Variants in MCF2L observed in about 807,000 individuals in gnomAD.
The protein encoded by MCF2L is MCF.2 cell line derived transforming sequence like, also known as guanine nucleotide exchange factor DBS.
MCF2L carries 97 observed loss-of-function variants against 153.4 expected under a neutral mutation model. The ratio of observed to expected loss-of-function variants is 0.63; its 90% confidence interval spans 0.54 to 0.75. The LOEUF is 0.75. Among genes scored for constraint, MCF2L ranks in the 30% least tolerant of loss-of-function variants. The pLI is 0.00. For missense variants in MCF2L, 1,347 were observed against 1,495.2 expected (o/e 0.90, Z 1.64); for synonymous variants, 659 against 632.2 (o/e 1.04, Z -0.64).
intron 2 of MCF2L, 106 bp from the exon 3 acceptor site, chr13:113,024,538 C>G: frequency 1.5e-6 from 1 of 673,516 alleles, no homozygotes; most frequent in Admixed American, 2.3e-5. Flanking sequence ...GAACATGCCT[C>G]AGTTTTAACT....
intron 2 of MCF2L, chr13:112,917,365 C>T (rs374561224): frequency 5.9e-4 from 208 of 352,228 alleles, no homozygotes; most frequent in African/African-American, 2.5e-3. Flanking sequence ...CACTCATGCC[C>T]GTATCCGACC....
chr13:113,086,092 C>G lies in MCF2L; in HGVS notation c.2248-32C>G, dbSNP rs1332905533. The G allele has an allele frequency of 6.9e-6, 11 of 1,587,300 alleles. No homozygotes were observed. In the South Asian group the frequency reaches 1.3e-4, roughly 18 times the overall value. On this transcript the variant is annotated intron_variant, in intron 20 of 29. Transcript: ENST00000535094. ...CAGGGGAGCCAGGGCTCTCCGTGTC[C>G]CGACGCGGTTGCCTCACCCCATGCC...
At chr13:112,920,848 C>T (rs1244487100) in intron 2 of MCF2L, among the ~76,000 whole-genome samples, 1 of 152,106 alleles carries the variant, frequency 6.6e-6, no homozygotes, top group Non-Finnish European at 1.5e-5. Context: ...CAGCCACTCA[C>T]TCTGCACAAG....
intron 2 of MCF2L, among the ~76,000 whole-genome samples, chr13:112,925,703 C>A (rs12428664): frequency 0.18 from 26,850 of 151,888 alleles, 2,645 homozygotes; most frequent in African/African-American, 0.25. Flanking sequence ...TAGAAATGTT[C>A]TTTAGCTGAC....
At chr13:112,985,141 C>T (rs567307222) in intron 1 of MCF2L, 32 of 286,868 alleles carry the variant, frequency 1.1e-4, no homozygotes, top group African/African-American at 4.4e-4. Context: ...TCCTCTCGGG[C>T]GGGCACGGTG....
chr13:112,986,227 G>A (rs1414445586), intron 1 of MCF2L, among the ~76,000 whole-genome samples: 5 of 151,808 alleles, frequency 3.3e-5, no homozygotes, highest in East Asian at 3.8e-4. Context: ...ATGGGGCCGC[G>A]GCCGGATGCC....
chr13:113,031,191 G>A lies in MCF2L; in HGVS notation c.278+6433G>A, dbSNP rs1027352225. On this transcript the variant is annotated intron_variant, in intron 3 of 29. Coordinates refer to ENST00000535094, the MANE Select transcript of MCF2L (RefSeq NM_001112732.3). The surrounding 1 kb of genome is among the most constrained non-coding windows in gnomAD (Gnocchi z 5.5). ...ACAGAGAGTGACAGACAGAGACAGA[G>A]AGACAGAGACAGACAGAGACAGAGA... 4.0e-5 allele frequency among the ~76,000 whole-genome samples: 6 copies of A among 150,490 alleles called. No homozygotes were observed. The highest frequency in any genetic ancestry group is 8.9e-5 in the Non-Finnish European group (6 of 67,650).
intron 1 of MCF2L, chr13:113,009,477 T>C (rs1389691345): frequency 6.6e-6 from 1 of 152,238 alleles, no homozygotes; most frequent in East Asian, 1.9e-4. Flanking sequence ...ACATCGGGAA[T>C]GCAAAATCAA....
chr13:113,080,250 C>G (rs2033987531), intron 15 of MCF2L, among the ~76,000 whole-genome samples: 2 of 147,316 alleles, frequency 1.4e-5, no homozygotes, highest in Admixed American at 1.3e-4. Context: ...AGGGTCCAGG[C>G]AGAGGAGTGT....
intron 4 of MCF2L, among the ~76,000 whole-genome samples, chr13:113,057,402 G>A (rs2030230007): frequency 6.7e-6 from 1 of 149,668 alleles, no homozygotes; most frequent in Non-Finnish European, 1.5e-5. Context: ...GGTGCTGAGT[G>A]TTTAGGTGCT....
intron 1 of MCF2L, among the ~76,000 whole-genome samples, chr13:112,987,595 T>C (rs2140949204): frequency 6.6e-6 from 1 of 152,198 alleles, no homozygotes; most frequent in East Asian, 1.9e-4. Flanking sequence ...CGGCCTGCGC[T>C]GCATGCAACG....
upstream of MCF2L, chr13:112,968,753 C>T (rs2081943732): frequency 7.2e-7 from 1 of 1,379,466 alleles, no homozygotes; most frequent in South Asian, 1.6e-5. Flanking sequence ...CCCGCGGAGG[C>T]AGCTGCACTC....
In MCF2L at chr13:112,899,144, G is replaced by A. The variant is rs111587337; in HGVS notation, c.-4-3055G>A. ...GACCGAGCAAACGAGTCACAAAGCC[G>A]TGCTGACTTGGTGCTTCCGTGGGGC... On this transcript the variant is annotated intron_variant, in intron 1 of 29. Transcript: ENST00000375608. Among the ~76,000 whole-genome samples the A allele has an allele frequency of 9.2e-3, 1,397 of 152,366 alleles. 8 individuals are homozygous for A. Among genetic ancestry groups the A allele is most frequent in the Middle Eastern group, 0.027 (8 of 294 alleles).
At position 112,969,459 on chromosome 13, in the gene MCF2L, G is replaced by A. The variant is rs760992655; in HGVS notation, c.79+1G>A. On this transcript the variant is annotated splice_donor_variant, in intron 1 of 29. Coordinates refer to ENST00000535094, the MANE Select transcript of MCF2L (RefSeq NM_001112732.3). LOFTEE classifies it high-confidence loss of function. This position sits in a 1 kb window ranked among gnomAD's most constrained non-coding sequence, Gnocchi z 4.8. ...TTAAATGCGGTTTCCAAGCACACGG[G>A]TAGGAGGAGCTGCTGGCCGTCAGTG... The A allele has an allele frequency of 1.9e-6, 3 of 1,550,296 alleles. No homozygotes were observed. The highest frequency in any genetic ancestry group is 3.9e-5 in the Admixed American group (2 of 51,006).
At chr13:113,065,636 G>A (rs1305343299) in intron 7 of MCF2L, among the ~76,000 whole-genome samples, 2 of 152,248 alleles carry the variant, frequency 1.3e-5, no homozygotes, top group Non-Finnish European at 2.9e-5. Context: ...CTGGCCCACC[G>A]GCACGCTGCT....
chr13:112,984,004 T>G (rs567339189), intron 1 of MCF2L, among the ~76,000 whole-genome samples: 1 of 151,472 alleles, frequency 6.6e-6, no homozygotes, highest in African/African-American at 2.4e-5. Context: ...TAACCAAGAG[T>G]GGATGTTGTC....
At chr13:112,967,611 G>A (rs1300543497), upstream of MCF2L, 2 of 152,298 alleles carry the variant, frequency 1.3e-5, no homozygotes, top group African/African-American at 4.8e-5. Context: ...CACTATAAGG[G>A]GGAGTACTGC....
chr13:113,091,014 C>T (rs901438299), intron 26 of MCF2L: 59 of 1,273,442 alleles, frequency 4.6e-5, no homozygotes, highest in South Asian at 1.4e-4. Context: ...GGGGCCACAA[C>T]GTCGGTGTCC....
intron 3 of MCF2L, chr13:113,043,984 C>T (rs192763522): frequency 3.2e-4 from 50 of 154,278 alleles, no homozygotes; most frequent in Admixed American, 1.0e-3. Context: ...AGGCGTGAAC[C>T]ACCACGCCCA....
Sources: gnomAD v4.1 joint callset for allele counts (sites outside exome capture counted in the v4.1 genomes callset) on GRCh38, gnomAD v4.1.1 for gene constraint, Gnocchi (gnomAD v3.1) non-coding constraint, MANE v1.5 for transcripts, NCBI Gene and HGNC (gene_info 2026-07-23, HGNC 2026-07-21) for gene names.